Variants in IQSEC1 observed in about 807,000 individuals in gnomAD.
IQSEC1 encodes IQ motif and SEC7 domain-containing protein 1.
In IQSEC1, 31 loss-of-function variants were observed where a neutral mutation model predicts 91.0. That is an observed-to-expected ratio of 0.34 (90% CI 0.26 to 0.46). IQSEC1 has a LOEUF of 0.46. IQSEC1 is among the 20% of genes least tolerant of loss of function. The pLI, the probability that IQSEC1 is intolerant of heterozygous loss-of-function variation, is 1.00. For missense variants in IQSEC1, 1,388 were observed against 1,575.6 expected (o/e 0.88, Z 2.02); for synonymous variants, 699 against 662.6 (o/e 1.05, Z -0.84).
At chr3:13,123,636 C>T (rs1436319652) in intron 2 of IQSEC1, among the ~76,000 whole-genome samples, 1 of 152,232 alleles carries the variant, frequency 6.6e-6, no homozygotes, top group African/African-American at 2.4e-5. Flanking sequence ...CAAGGCCAAG[C>T]GTCCTCTGCA....
intron 1 of IQSEC1, among the ~76,000 whole-genome samples, chr3:13,033,378 C>A (rs1703918831): frequency 3.3e-5 from 5 of 152,142 alleles, no homozygotes; most frequent in Admixed American, 2.0e-4. Context: ...GTTCTGGAGG[C>A]TGGAAGTCAG....
At chr3:12,966,877 T>C (rs1045374443) in intron 1 of IQSEC1, among the ~76,000 whole-genome samples, 9 of 152,048 alleles carry the variant, frequency 5.9e-5, no homozygotes, top group African/African-American at 1.9e-4. Context: ...AATCCAGACA[T>C]AGGCCCAATG....
At chr3:13,128,622 T>A (rs1256134090) in intron 2 of IQSEC1, among the ~76,000 whole-genome samples, 1 of 152,116 alleles carries the variant, frequency 6.6e-6, no homozygotes, top group Non-Finnish European at 1.5e-5. Flanking sequence ...TCCCAGCACT[T>A]TGGGAGGCCG....
chr3:13,027,118 T>G (rs1254137516), intron 1 of IQSEC1, among the ~76,000 whole-genome samples: 2 of 152,164 alleles, frequency 1.3e-5, no homozygotes, highest in Non-Finnish European at 2.9e-5. Context: ...GGATCCCCCT[T>G]CTCAAGAAGC....
intron 2 of IQSEC1, among the ~76,000 whole-genome samples, chr3:13,120,005 T>C (rs983641686): frequency 3.9e-5 from 6 of 152,194 alleles, no homozygotes; most frequent in African/African-American, 1.4e-4. Context: ...GAGAGAGCTC[T>C]CTGCTCGCCT....
intron 2 of IQSEC1, among the ~76,000 whole-genome samples, chr3:13,121,233 C>A (rs572253578): frequency 1.3e-5 from 2 of 152,200 alleles, no homozygotes; most frequent in South Asian, 2.1e-4. Context: ...TACGACAGGA[C>A]CCCATGGCCC....
At chr3:13,069,554 A>C (rs1705346322) in intron 1 of IQSEC1, among the ~76,000 whole-genome samples, 1 of 152,216 alleles carries the variant, frequency 6.6e-6, no homozygotes, top group South Asian at 2.1e-4. Flanking sequence ...GGGGGCCGGC[A>C]GGTCATCATG....
chr3:12,991,079 G>T (rs953836915), intron 1 of IQSEC1, among the ~76,000 whole-genome samples: 2 of 152,208 alleles, frequency 1.3e-5, no homozygotes, highest in African/African-American at 4.8e-5. Context: ...CCCCGAGGCA[G>T]GGGGTGAGAG....
At chr3:13,045,406 C>T (rs1046094691) in intron 1 of IQSEC1, among the ~76,000 whole-genome samples, 1 of 152,204 alleles carries the variant, frequency 6.6e-6, no homozygotes, top group African/African-American at 2.4e-5. Flanking sequence ...GCCCGACACC[C>T]GCAGGTGCTC....
At position 12,897,560 on chromosome 3, in the gene IQSEC1, G is replaced by C. The variant is rs957546141; in HGVS notation, c.*3423C>G. 6.6e-6 allele frequency: 1 copy of C among 152,262 alleles called. No homozygotes were observed. The highest frequency in any genetic ancestry group is 6.5e-5 in the Admixed American group (1 of 15,292). 9.4% of individuals were successfully genotyped at this position (152,262 alleles called of 1,614,324 possible). On this transcript the variant is annotated 3_prime_UTR_variant, in exon 14 of 14. Coordinates refer to ENST00000613206, the MANE Select transcript of IQSEC1 (RefSeq NM_001134382.3). ...ATGGAGGGCAGGCCTCCTCCCTCTTGTCCTGTGCTCAGCACCCCCACCTCA... is the reference window on the plus strand; with the variant it reads ...ATGGAGGGCAGGCCTCCTCCCTCTTCTCCTGTGCTCAGCACCCCCACCTCA...
In IQSEC1 at chr3:13,104,831, G is replaced by A. The variant is rs1043697729; in HGVS notation, c.303-57309C>T. On this transcript the variant is annotated intron_variant, in intron 2 of 15. Transcript: ENST00000648114. ...GGAGCCAGGTCTGCAGGGGTTGGTC[G>A]GGGGGTGAAACAAGCAGCGTGTGCT... 6.6e-5 allele frequency among the ~76,000 whole-genome samples: 10 copies of A among 152,172 alleles called. No homozygotes were observed. In the East Asian group the frequency reaches 1.5e-3, roughly 23 times the overall value.
chr3:12,911,394 A>T (rs1173025277), intron 10 of IQSEC1, among the ~76,000 whole-genome samples: 1 of 152,244 alleles, frequency 6.6e-6, no homozygotes, highest in Non-Finnish European at 1.5e-5. Context: ...ACGAAGTACC[A>T]GTAAAAGCAA....
intron 1 of IQSEC1, among the ~76,000 whole-genome samples, chr3:12,984,431 T>C (rs2125599367): frequency 6.6e-6 from 1 of 152,332 alleles, no homozygotes; most frequent in Non-Finnish European, 1.5e-5. Context: ...TAGAGTGCAG[T>C]TGTTCCTCTG....
At chr3:13,021,433 C>G (rs1344214528) in intron 1 of IQSEC1, among the ~76,000 whole-genome samples, 2 of 152,210 alleles carry the variant, frequency 1.3e-5, no homozygotes, top group Non-Finnish European at 2.9e-5. Flanking sequence ...TGACTGAATG[C>G]TGGCACCGCA....
chr3:13,180,624 T>C (rs1693824350), intron 1 of IQSEC1, among the ~76,000 whole-genome samples: 1 of 151,980 alleles, frequency 6.6e-6, no homozygotes. Flanking sequence ...CAATAAATCT[T>C]GCTGCTGCTC....
At chr3:13,249,621 T>C (rs745959559) in intron 1 of IQSEC1, among the ~76,000 whole-genome samples, 7 of 152,152 alleles carry the variant, frequency 4.6e-5, no homozygotes, top group South Asian at 2.1e-4. Flanking sequence ...GAATACCAGC[T>C]TGGGTTCGAA....
intron 1 of IQSEC1, among the ~76,000 whole-genome samples, chr3:13,267,291 G>A (rs569846184): frequency 2.6e-5 from 4 of 152,178 alleles, no homozygotes; most frequent in African/African-American, 4.8e-5. Flanking sequence ...CTCCAGAACC[G>A]TGAGAAATAA....
At chr3:13,188,776 A>G (rs187415787) in intron 1 of IQSEC1, among the ~76,000 whole-genome samples, 4 of 152,370 alleles carry the variant, frequency 2.6e-5, no homozygotes, top group Non-Finnish European at 4.4e-5. Context: ...CTCCACAGGA[A>G]AAAGCCAACT....
At chr3:13,241,004 G>GAAAC (rs1381912551) in intron 1 of IQSEC1, among the ~76,000 whole-genome samples, 4 of 152,204 alleles carry the variant, frequency 2.6e-5, no homozygotes, top group Admixed American at 1.3e-4. Flanking sequence ...CTGTTTGGCA[G>GAAAC]TGCACAGGTG....
Sources: allele counts gnomAD v4.1 joint callset (sites outside exome capture counted in the v4.1 genomes callset), GRCh38; gene constraint gnomAD v4.1.1; transcripts MANE v1.5; gene names NCBI Gene and HGNC (gene_info 2026-07-23, HGNC 2026-07-21).